Variants in ZNF341 observed in about 807,000 individuals in gnomAD.
ZNF341 encodes zinc finger protein 341.
In ZNF341, 52 loss-of-function variants were observed where a neutral mutation model predicts 87.7. That is an observed-to-expected ratio of 0.59 (90% CI 0.47 to 0.75). The LOEUF is 0.75. Among genes scored for constraint, ZNF341 ranks in the 30% least tolerant of loss-of-function variants. The probability of loss-of-function intolerance (pLI) is 0.00; values close to 1 mark genes in which losing one functional copy is unlikely to be tolerated. For missense variants in ZNF341, 977 were observed against 1,145.9 expected (o/e 0.85, Z 2.13); for synonymous variants, 459 against 472.7 (o/e 0.97, Z 0.38).
chr20:33,781,483 AC>A, intron 11 of ZNF341, 96 bp downstream of exon 11: 1 of 1,096,250 alleles, frequency 9.1e-7, no homozygotes, highest in Non-Finnish European at 1.4e-6. Flanking sequence ...CTCCTCTCTC[AC>A]CATAGGACAC....
chr20:33,755,874 A>G (rs1411882808), intron 5 of ZNF341, among the ~76,000 whole-genome samples: 1 of 152,014 alleles, frequency 6.6e-6, no homozygotes, highest in Admixed American at 6.6e-5. Context: ...AATTACAGGC[A>G]TGAGCCATCG....
rs2018786943 is a variant in ZNF341 at position 33,740,958 on chromosome 20, G to A, written c.88G>A (p.Val30Ile). The change falls in exon 2 of 15, where the codon GTC becomes ATC. Residue 30 changes from valine (V) to isoleucine (I), a missense_variant. Val to Ile is a conservative substitution (Grantham distance 29). This residue lies in a region of ZNF341 where 515 missense variants were observed against 598.2 expected (regional missense o/e 0.86). Transcript: ENST00000375200. ...GTCATTATTGGATGGCCAAGGAGCA[G>A]TCCCTGATCCGACAGGCCAGAGTGT... ...VQSLLDGQGA[V>I]PDPTGQSVNA... 6.2e-7 allele frequency: 1 copy of A among 1,614,230 alleles called. No individual in the cohort carries two copies. The highest frequency in any genetic ancestry group is 8.5e-7 in the Non-Finnish European group (1 of 1,180,052).
chr20:33,760,578 C>G (rs971684565), intron 7 of ZNF341, among the ~76,000 whole-genome samples: 2 of 151,994 alleles, frequency 1.3e-5, no homozygotes, highest in African/African-American at 4.8e-5. Flanking sequence ...GGGTCTTGCT[C>G]TGTTGCCCAG....
At chr20:33,745,355 G>A (rs2018896949) in intron 3 of ZNF341, 56 bp downstream of exon 3, 2 of 1,536,828 alleles carry the variant, frequency 1.3e-6, no homozygotes, top group Non-Finnish European at 8.8e-7. Context: ...ACATGCTCAG[G>A]CACTGTGCTG....
intron 12 of ZNF341, chr20:33,787,096 C>G (rs936750738): frequency 3.3e-5 from 5 of 152,040 alleles, no homozygotes; most frequent in African/African-American, 1.2e-4. Context: ...ATTTCCCCTT[C>G]AAGTTGTAGT....
Position 33,783,638 on chromosome 20 carries a change from A to G in ZNF341, c.1720-94A>G, listed in dbSNP as rs1601288715. On this transcript the variant is annotated intron_variant, in intron 11 of 14. Transcript: ENST00000375200. ...GATAGCCAGAAAGGAAGGTGTCTCT[A>G]TAGGGGCTGGAAACGAGGAACCTTT... 3.2e-6 allele frequency: 5 copies of G among 1,570,106 alleles called. No individual in the cohort carries two copies. In the East Asian group the frequency reaches 6.7e-5, roughly 21 times the overall value.
chr20:33,753,528 A>G, intron 5 of ZNF341, 105 bp downstream of exon 5: 1 of 1,398,350 alleles, frequency 7.2e-7, no homozygotes, highest in Non-Finnish European at 9.4e-7. Context: ...TGCTGGGGAT[A>G]CCATGAAAAC....
At chr20:33,771,554 G>A (rs2019533390) in intron 10 of ZNF341, among the ~76,000 whole-genome samples, 1 of 151,958 alleles carries the variant, frequency 6.6e-6, no homozygotes, top group South Asian at 2.1e-4. Context: ...CCTATATGAT[G>A]ATTCTTAGAA....
intron 11 of ZNF341, among the ~76,000 whole-genome samples, chr20:33,782,759 G>A (rs990711977): frequency 2.6e-5 from 4 of 152,184 alleles, no homozygotes; most frequent in Non-Finnish European, 5.9e-5. Context: ...CGTGACCAAC[G>A]CTCTACCAAA....
Position 33,788,943 on chromosome 20 carries a change from G to C in ZNF341, c.1933G>C (p.Glu645Gln). ...ACTGAAGAGACACATGTTGATCCAC[G>C]AGCCCTTCAAGAAATACAAATGCCC... is the stretch of plus-strand genomic sequence containing the variant. ...DKLKRHMLIHEPFKKYKCPFS... is the reference protein window; with the variant it reads ...DKLKRHMLIHQPFKKYKCPFS... Residue 645 changes from glutamate (E) to glutamine (Q), a missense_variant, in exon 13 of 15, where the codon GAG (glutamate) becomes CAG (glutamine). Physicochemically the swap from Glu to Gln is conservative, Grantham distance 29 (BLOSUM62 2). Coordinates refer to ENST00000375200, the MANE Select transcript of ZNF341 (RefSeq NM_001282933.2). 6.2e-7 allele frequency: 1 copy of C among 1,613,974 alleles called. No homozygotes were observed.
chr20:33,781,582 G>A (rs1159969436), intron 11 of ZNF341, among the ~76,000 whole-genome samples, 195 bp downstream of exon 11: 12 of 152,292 alleles, frequency 7.9e-5, no homozygotes, highest in Admixed American at 6.5e-4. Flanking sequence ...TGGCCATGTC[G>A]GGGCTGCTGC....
chr20:33,785,165 T>G (rs913629762), intron 12 of ZNF341, among the ~76,000 whole-genome samples: 2 of 152,102 alleles, frequency 1.3e-5, no homozygotes, highest in Non-Finnish European at 2.9e-5. Context: ...TATAAAAAAA[T>G]AAACTCCCTC....
At chr20:33,787,898 C>T (rs2019901484) in intron 12 of ZNF341, 2 of 152,302 alleles carry the variant, frequency 1.3e-5, no homozygotes, top group South Asian at 4.1e-4. Flanking sequence ...ATGAGGCCAC[C>T]TTGCTTCTCA....
At chr20:33,776,426 C>T (rs965536228) in intron 10 of ZNF341, among the ~76,000 whole-genome samples, 2 of 150,232 alleles carry the variant, frequency 1.3e-5, no homozygotes, top group African/African-American at 4.9e-5. Context: ...CTCACTCTGT[C>T]ACCCAGGCTA....
intron 2 of ZNF341, 71 bp downstream of exon 2, chr20:33,741,083 T>G: frequency 7.0e-7 from 1 of 1,430,186 alleles, no homozygotes; most frequent in East Asian, 2.3e-5. Context: ...GAGCTTGTGC[T>G]GGGCTGTGGG....
chr20:33,769,899 C>T (rs931282766), intron 9 of ZNF341, among the ~76,000 whole-genome samples, 185 bp from the exon 10 acceptor site: 5 of 152,110 alleles, frequency 3.3e-5, no homozygotes, highest in Non-Finnish European at 4.4e-5. Context: ...CGATAGAGTG[C>T]GACTCAGTCT....
At chr20:33,748,128 G>GT (rs1241465278) in intron 3 of ZNF341, among the ~76,000 whole-genome samples, 1 of 150,978 alleles carries the variant, frequency 6.6e-6, no homozygotes. Flanking sequence ...CTGGAGTGCA[G>GT]TGGCACGATC....
rs983167189 is a variant in ZNF341, at chr20:33,733,048, G to A, written c.31+996G>A. On this transcript the variant is annotated intron_variant, in intron 1 of 14. Transcript: ENST00000375200. The stretch of plus-strand genomic sequence containing the variant: ...TCCTAGGAGATCTCAGCCACTCCCT[G>A]CACTTTTTAATTTTTTGAGACGGAG... Among the ~76,000 whole-genome samples the A allele has an allele frequency of 2.6e-5, 4 of 152,052 alleles. No homozygotes were observed. The South Asian group carries it at 8.3e-4, about 31-fold the overall frequency.
intron 10 of ZNF341, among the ~76,000 whole-genome samples, chr20:33,772,161 G>C (rs1227604353): frequency 2.6e-5 from 4 of 151,826 alleles, no homozygotes; most frequent in African/African-American, 9.7e-5. Context: ...TTGCAGTTGT[G>C]CAACATCACT....
Sources: allele counts gnomAD v4.1 joint callset (sites outside exome capture counted in the v4.1 genomes callset), GRCh38; gene constraint gnomAD v4.1.1; regional missense constraint gnomAD v4.1.1; transcripts MANE v1.5; gene names NCBI Gene and HGNC (gene_info 2026-07-23, HGNC 2026-07-21).